Variants in ITGBL1 observed in about 807,000 individuals in gnomAD.
ITGBL1 encodes integrin subunit beta like 1, also known as integrin beta-like protein 1.
In ITGBL1, 51 loss-of-function variants were observed where a neutral mutation model predicts 68.5. The observed-to-expected ratio is 0.74, with a 90% CI of 0.59 to 0.94. The LOEUF (loss-of-function observed/expected upper bound fraction) is 0.94. Among genes scored for constraint, ITGBL1 ranks in the 40% least tolerant of loss-of-function variants. ITGBL1 has a pLI of 0.00. For missense variants in ITGBL1, 649 were observed against 647.4 expected (o/e 1.00, Z -0.03); for synonymous variants, 209 against 227.3 (o/e 0.92, Z 0.72).
chr13:101,623,917 C>T (rs915221410), intron 7 of ITGBL1, among the ~76,000 whole-genome samples: 1 of 152,156 alleles, frequency 6.6e-6, no homozygotes, highest in Admixed American at 6.5e-5. Context: ...TTTTTAAAAA[C>T]CCTATTGCTT....
chr13:101,504,486 G>A (rs1043291307), intron 2 of ITGBL1, among the ~76,000 whole-genome samples: 1 of 152,098 alleles, frequency 6.6e-6, no homozygotes, highest in East Asian at 1.9e-4. Context: ...TAAAGCAAAT[G>A]TTCTGTACAT....
intron 2 of ITGBL1, among the ~76,000 whole-genome samples, chr13:101,539,106 G>T (rs1249365837): frequency 2.8e-5 from 4 of 142,816 alleles, no homozygotes; most frequent in African/African-American, 1.0e-4. Flanking sequence ...CAACGTGCAA[G>T]TTAGTTACAT....
intron 7 of ITGBL1, among the ~76,000 whole-genome samples, chr13:101,682,906 C>A (rs566224579): frequency 1.4e-4 from 22 of 152,040 alleles, no homozygotes; most frequent in African/African-American, 5.1e-4. Context: ...AAAACTCTCA[C>A]CTATATTCTT....
At chr13:101,498,277 T>C (rs1218709643) in intron 2 of ITGBL1, among the ~76,000 whole-genome samples, 2 of 152,192 alleles carry the variant, frequency 1.3e-5, no homozygotes, top group African/African-American at 2.4e-5. Context: ...CTGATGAGAA[T>C]GTATTTCCCT....
In ITGBL1 at chr13:101,499,532, C is replaced by T. The variant is rs536740855; in HGVS notation, c.316+45432C>T. Among the ~76,000 whole-genome samples the T allele has an allele frequency of 7.9e-5, 12 of 152,250 alleles. No individual in the cohort carries two copies. The South Asian group carries it at 1.7e-3, about 21-fold the overall frequency. ...TTCTTCTCCTTAAGTTCGTTTCTCC[C>T]GACTTTGACTTTCACTATAAAATGC... On this transcript the variant is annotated intron_variant, in intron 2 of 10. Coordinates refer to ENST00000376180, the MANE Select transcript of ITGBL1 (RefSeq NM_004791.3).
chr13:101,493,884 TAG>T (rs2048817301), intron 2 of ITGBL1, among the ~76,000 whole-genome samples: 1 of 152,260 alleles, frequency 6.6e-6, no homozygotes, highest in Non-Finnish European at 1.5e-5. Flanking sequence ...CATCTGTTGC[TAG>T]TTTCTAATTT....
chr13:101,463,309 C>G (rs1225165892), intron 2 of ITGBL1, among the ~76,000 whole-genome samples: 1 of 152,142 alleles, frequency 6.6e-6, no homozygotes, highest in Non-Finnish European at 1.5e-5. Flanking sequence ...CTTGCCTACT[C>G]TATAGTGCCA....
chr13:101,695,079 C>T (rs1464950258), intron 8 of ITGBL1, among the ~76,000 whole-genome samples: 2 of 152,118 alleles, frequency 1.3e-5, no homozygotes, highest in African/African-American at 4.8e-5. Context: ...GCTGAGTGAT[C>T]TGAAAAGAGA....
chr13:101,490,343 A>G (rs2048758563), intron 2 of ITGBL1, among the ~76,000 whole-genome samples: 1 of 152,224 alleles, frequency 6.6e-6, no homozygotes, highest in South Asian at 2.1e-4. Context: ...TCTGTGAGAA[A>G]TAAATGTCAA....
intron 7 of ITGBL1, among the ~76,000 whole-genome samples, chr13:101,683,485 T>C (rs151056517): frequency 2.0e-5 from 3 of 152,158 alleles, no homozygotes; most frequent in Non-Finnish European, 4.4e-5. Context: ...TTGATGAACA[T>C]TTGGGGCATT....
At chr13:101,485,902 A>C (rs2048695794) in intron 2 of ITGBL1, among the ~76,000 whole-genome samples, 1 of 152,184 alleles carries the variant, frequency 6.6e-6, no homozygotes, top group South Asian at 2.1e-4. Context: ...TGAGAATATA[A>C]ATTAGTGTAA....
In ITGBL1 at chr13:101,641,002, TGACTAAA is replaced by T. The variant is rs200167165; in HGVS notation, c.1015+42705_1015+42711del. On this transcript the variant is annotated intron_variant, in intron 7 of 10. Transcript: ENST00000376180. ...GTACATTTTACTACCATGGCACTTATGACTAAAGGTTTTGAAATCTGCACTGCAGAAC... is the reference window on the plus strand; with the variant it reads ...GTACATTTTACTACCATGGCACTTATGGTTTTGAAATCTGCACTGCAGAAC... 1.6e-3 allele frequency among the ~76,000 whole-genome samples: 246 copies of T among 152,352 alleles called. 1 individual carries two copies. Among genetic ancestry groups the T allele is most frequent in the African/African-American group, 5.7e-3 (237 of 41,584 alleles).
At chr13:101,598,838 T>A (rs2030164414) in intron 7 of ITGBL1, among the ~76,000 whole-genome samples, 1 of 152,216 alleles carries the variant, frequency 6.6e-6, no homozygotes, top group Admixed American at 6.5e-5. Flanking sequence ...TCTATCATTG[T>A]TGGACATTTG....
chr13:101,568,146 TA>T (rs2050211710), intron 3 of ITGBL1, among the ~76,000 whole-genome samples: 2 of 152,156 alleles, frequency 1.3e-5, no homozygotes, highest in Admixed American at 1.3e-4. Context: ...TTACATCTGT[TA>T]AAAAGGATTT....
At chr13:101,503,593 CT>C (rs948570224) in intron 2 of ITGBL1, among the ~76,000 whole-genome samples, 11 of 152,268 alleles carry the variant, frequency 7.2e-5, no homozygotes, top group African/African-American at 2.6e-4. Context: ...GTGGGCACCC[CT>C]GAAATGACCT....
At chr13:101,485,032 C>G (rs1019795600) in intron 2 of ITGBL1, among the ~76,000 whole-genome samples, 16 of 152,138 alleles carry the variant, frequency 1.1e-4, no homozygotes, top group African/African-American at 3.9e-4. Flanking sequence ...AGGATGATAG[C>G]AGATTTCTCT....
chr13:101,674,691 A>T (rs1481782444), intron 7 of ITGBL1, among the ~76,000 whole-genome samples: 2 of 151,870 alleles, frequency 1.3e-5, no homozygotes, highest in Non-Finnish European at 1.5e-5. Flanking sequence ...ACTTATATAA[A>T]TTTTTTTGTA....
At chr13:101,538,894 T>C (rs1362315045) in intron 2 of ITGBL1, among the ~76,000 whole-genome samples, 2 of 152,060 alleles carry the variant, frequency 1.3e-5, no homozygotes, top group Non-Finnish European at 2.9e-5. Flanking sequence ...GTAATGCAAA[T>C]ACTACCATTT....
intron 2 of ITGBL1, among the ~76,000 whole-genome samples, chr13:101,523,880 C>T (rs1210250016): frequency 6.6e-6 from 1 of 152,160 alleles, no homozygotes; most frequent in African/African-American, 2.4e-5. Context: ...TTCATGCTGC[C>T]ATGAGCAACT....
Sources: gnomAD v4.1 joint callset for allele counts (sites outside exome capture counted in the v4.1 genomes callset) on GRCh38, gnomAD v4.1.1 for gene constraint, MANE v1.5 for transcripts, NCBI Gene and HGNC (gene_info 2026-07-23, HGNC 2026-07-21) for gene names.